Variants in MECOM observed in about 807,000 individuals in gnomAD.
MECOM encodes the protein histone-lysine N-methyltransferase MECOM.
Under a neutral mutation model 116.3 loss-of-function variants are expected in MECOM, and 13 were observed. That is an observed-to-expected ratio of 0.11 (90% confidence interval 0.07 to 0.18). The LOEUF (loss-of-function observed/expected upper bound fraction) is 0.18, where lower values mean the gene tolerates loss of function less well. Ranked by LOEUF, MECOM falls within the 10% of genes least tolerant of loss-of-function variation. The pLI is 1.00. For synonymous variants in MECOM, 528 were observed against 535.2 expected, an observed-to-expected ratio of 0.99 and a Z score of 0.19; for missense variants, 1,299 against 1,509.0, an observed-to-expected ratio of 0.86 and a Z score of 2.31.
chr3:169,268,730 C>T (rs1758590312), intron 2 of MECOM, among the ~76,000 whole-genome samples: 1 of 152,190 alleles, frequency 6.6e-6, no homozygotes, highest in African/African-American at 2.4e-5. Flanking sequence ...ACATTACCTA[C>T]CAAACAGATG....
intron 7 of MECOM, among the ~76,000 whole-genome samples, chr3:169,118,908 C>A (rs1157039138): frequency 6.6e-6 from 1 of 152,200 alleles, no homozygotes; most frequent in African/African-American, 2.4e-5. Flanking sequence ...TGGCATACCA[C>A]AAACTACCAG....
At chr3:169,545,759 G>A (rs567077478) in intron 1 of MECOM, among the ~76,000 whole-genome samples, 19 of 152,276 alleles carry the variant, frequency 1.2e-4, no homozygotes, top group Admixed American at 2.6e-4. Context: ...CAGAGACACA[G>A]CCTGAGGCAC....
intron 2 of MECOM, among the ~76,000 whole-genome samples, chr3:169,361,490 T>C (rs560570532): frequency 5.9e-5 from 9 of 151,872 alleles, no homozygotes; most frequent in Non-Finnish European, 1.2e-4. Context: ...TGATGATTAT[T>C]AAAATCAGTT....
intron 1 of MECOM, among the ~76,000 whole-genome samples, chr3:169,630,976 C>G (rs910880113): frequency 6.6e-6 from 1 of 152,216 alleles, no homozygotes; most frequent in Admixed American, 6.5e-5. Flanking sequence ...AAGCCTCCAT[C>G]CCCATGTAGA....
intron 8 of MECOM, among the ~76,000 whole-genome samples, chr3:169,113,089 C>G (rs1478995332): frequency 6.6e-6 from 1 of 151,954 alleles, no homozygotes; most frequent in Non-Finnish European, 1.5e-5. Context: ...ATGGAAAAAC[C>G]CTACTGAATG....
chr3:169,485,284 T>G (rs1011629603), intron 1 of MECOM, among the ~76,000 whole-genome samples: 1 of 152,138 alleles, frequency 6.6e-6, no homozygotes, highest in Admixed American at 6.6e-5. Flanking sequence ...GATGAACCAC[T>G]GCACCCAGCC....
At chr3:169,439,412 A>G (rs1181099034) in intron 1 of MECOM, among the ~76,000 whole-genome samples, 1 of 150,546 alleles carries the variant, frequency 6.6e-6, no homozygotes, top group Non-Finnish European at 1.5e-5. Context: ...TAGTATCCAG[A>G]ATACTTCTAA....
chr3:169,189,811 C>T lies in MECOM; in HGVS notation c.376-45979G>A, dbSNP rs571750987. ...CGACAGGAATCTTCTCATTTATTTA[C>T]GAATAGGTTAAGACCTTCGCCTTGT... On this transcript the variant is annotated intron_variant, in intron 2 of 16. Coordinates refer to ENST00000651503, the MANE Select transcript of MECOM (RefSeq NM_004991.4). 1.1e-4 allele frequency among the ~76,000 whole-genome samples: 16 copies of T among 152,150 alleles called. 1 individual carries two copies. The highest frequency in any genetic ancestry group is 8.3e-4 in the South Asian group (4 of 4,820).
At position 169,504,260 on chromosome 3, in the gene MECOM, TG is replaced by T. The variant is rs539859686; in HGVS notation, c.38-122737del. ...ACTTGCCATTTGGTGGGGGTGGGAA[TG>T]TGGGAGGTGGTTCAAACTTATTAGG... On this transcript the variant is annotated intron_variant, in intron 1 of 16. Transcript: ENST00000651503. Among the ~76,000 whole-genome samples, 414 of 150,566 alleles carry T rather than the reference TG, an allele frequency of 2.7e-3. 2 individuals carry two copies. Among genetic ancestry groups the T allele is most frequent in the African/African-American group, 8.4e-3 (346 of 41,032 alleles).
intron 2 of MECOM, among the ~76,000 whole-genome samples, chr3:169,380,881 C>T (rs1279795337): frequency 6.6e-6 from 1 of 152,158 alleles, no homozygotes; most frequent in Non-Finnish European, 1.5e-5. Context: ...ATGCCACATG[C>T]TACACATGGT....
chr3:169,231,686 C>A (rs1363564041), intron 2 of MECOM, among the ~76,000 whole-genome samples: 2 of 149,158 alleles, frequency 1.3e-5, no homozygotes, highest in African/African-American at 2.5e-5. Flanking sequence ...CTTTGAGGAA[C>A]AGAATAGAAA....
chr3:169,607,328 A>G (rs1768715494), intron 1 of MECOM, among the ~76,000 whole-genome samples: 1 of 152,228 alleles, frequency 6.6e-6, no homozygotes, highest in Non-Finnish European at 1.5e-5. Flanking sequence ...AACTCATGCC[A>G]TGTGGCTTTT....
intron 2 of MECOM, among the ~76,000 whole-genome samples, chr3:169,351,343 T>C (rs1284363082): frequency 6.6e-6 from 1 of 151,830 alleles, no homozygotes; most frequent in African/African-American, 2.4e-5. Flanking sequence ...GTATTGCATA[T>C]CTATATGATA....
intron 1 of MECOM, among the ~76,000 whole-genome samples, chr3:169,511,944 C>T (rs1028679418): frequency 8.5e-5 from 13 of 152,140 alleles, no homozygotes; most frequent in African/African-American, 2.7e-4. Context: ...ATGTAAATTG[C>T]TTTAAATGTT....
At chr3:169,586,145 A>G (rs1402402097) in intron 1 of MECOM, among the ~76,000 whole-genome samples, 1 of 152,250 alleles carries the variant, frequency 6.6e-6, no homozygotes, top group Non-Finnish European at 1.5e-5. Context: ...AAGTGGTTTT[A>G]AATCTACATT....
At position 169,221,567 on chromosome 3, in the gene MECOM, T is replaced by TAAA. The variant is rs34439968; in HGVS notation, c.376-77738_376-77736dup. Among the ~76,000 whole-genome samples the TAAA allele has an allele frequency of 8.7e-3, 1,150 of 132,378 alleles. 13 individuals are homozygous for TAAA. The highest frequency in any genetic ancestry group is 0.03 in the African/African-American group (1,068 of 36,162). The allele number at this position is 132,378 out of a possible 152,430, so 86.8% of individuals were successfully genotyped here. A position where few individuals can be genotyped will look rare whatever the true frequency, so the allele number is the denominator to read the frequency against. On this transcript the variant is annotated intron_variant, in intron 2 of 16. Coordinates refer to ENST00000651503, the MANE Select transcript of MECOM (RefSeq NM_004991.4). Reference sequence around the variant, plus strand: ...AGCTTTTGGAGACGTAAAGAGATGTTAAAAAAAAAAAAAAAAGCCAGTGGC... The same window carrying TAAA: ...AGCTTTTGGAGACGTAAAGAGATGTTAAAAAAAAAAAAAAAAAAAGCCAGTGGC...
rs1055990028 is a variant in MECOM, at chr3:169,533,589, T to A, written c.37+129747A>T. On this transcript the variant is annotated intron_variant, in intron 1 of 16. Coordinates refer to ENST00000651503, the MANE Select transcript of MECOM (RefSeq NM_004991.4). ...GACCCAGTGCTGATTTTTTTTTTTT[T>A]TTATTTCCTTATGTCGTTGGGGGCC... Among the ~76,000 whole-genome samples the A allele has an allele frequency of 1.1e-4, 13 of 122,440 alleles. No homozygotes were observed. In the East Asian group the frequency reaches 2.2e-3, roughly 21 times the overall value. The allele number at this position is 122,440 out of a possible 152,430, so 80.3% of individuals were successfully genotyped here. A position where few individuals can be genotyped will look rare whatever the true frequency, so the allele number is the denominator to read the frequency against.
At chr3:169,516,759 A>G (rs978592441) in intron 1 of MECOM, among the ~76,000 whole-genome samples, 8 of 152,212 alleles carry the variant, frequency 5.3e-5, no homozygotes, top group Non-Finnish European at 1.0e-4. Context: ...TCCAAAGTCA[A>G]ATAGATATGA....
chr3:169,402,748 G>C (rs1487987360), intron 1 of MECOM, among the ~76,000 whole-genome samples: 1 of 152,034 alleles, frequency 6.6e-6, no homozygotes, highest in African/African-American at 2.4e-5. Context: ...CAAACTTCAT[G>C]CTTGACATTA....
Sources: allele counts gnomAD v4.1 joint callset (sites outside exome capture counted in the v4.1 genomes callset), GRCh38; gene constraint gnomAD v4.1.1; transcripts MANE v1.5; gene names NCBI Gene and HGNC (gene_info 2026-07-23, HGNC 2026-07-21).